RERE: variants seen among roughly 807,000 people sequenced by gnomAD.
The protein encoded by RERE is arginine-glutamic acid dipeptide repeats.
In RERE, 40 loss-of-function variants were observed where a neutral mutation model predicts 146.1. The observed-to-expected ratio is 0.27, with a 90% CI of 0.21 to 0.36. The LOEUF (loss-of-function observed/expected upper bound fraction) is 0.36. Ranked by LOEUF, RERE falls within the 10% of genes least tolerant of loss-of-function variation. The pLI, the probability that RERE is intolerant of heterozygous loss-of-function variation, is 1.00. For synonymous variants in RERE, 1,003 were observed against 866.0 expected, an observed-to-expected ratio of 1.16 and a Z score of -2.78; for missense variants, 1,933 against 2,138.7, an observed-to-expected ratio of 0.90 and a Z score of 1.90.
At chr1:8,487,925 T>G (rs1644924535) in intron 10 of RERE, among the ~76,000 whole-genome samples, 1 of 152,130 alleles carries the variant, frequency 6.6e-6, no homozygotes, top group South Asian at 2.1e-4. Context: ...AAGATCTGTA[T>G]TCCCAAAAAA....
chr1:8,404,781 G>C (rs1488552675), intron 12 of RERE, among the ~76,000 whole-genome samples: 1 of 152,194 alleles, frequency 6.6e-6, no homozygotes, highest in Non-Finnish European at 1.5e-5. Flanking sequence ...GCAGCAGACT[G>C]GTGCCAACCG....
chr1:8,782,886 A>G (rs548768150), intron 1 of RERE, among the ~76,000 whole-genome samples: 1 of 152,252 alleles, frequency 6.6e-6, no homozygotes, highest in South Asian at 2.1e-4. Context: ...AGCCTGGGAG[A>G]CACAGTGAGA....
intron 12 of RERE, among the ~76,000 whole-genome samples, chr1:8,368,226 T>C (rs1014098727): frequency 6.6e-6 from 1 of 151,812 alleles, no homozygotes; most frequent in South Asian, 2.1e-4. Context: ...TCCTAGCACT[T>C]TGGGAGGCTG....
intron 1 of RERE, chr1:8,792,628 A>T (rs1303769748): frequency 1.1e-4 from 16 of 152,224 alleles, no homozygotes; most frequent in Non-Finnish European, 2.1e-4. Context: ...ACTAAATGAA[A>T]CAACTTCAAA....
intron 1 of RERE, among the ~76,000 whole-genome samples, chr1:8,725,515 G>A (rs778507505): frequency 3.3e-5 from 5 of 152,184 alleles, no homozygotes; most frequent in Non-Finnish European, 5.9e-5. Context: ...GCAGTAAGCC[G>A]ACATCGTGCC....
At chr1:8,466,325 G>A (rs1336629171) in intron 10 of RERE, among the ~76,000 whole-genome samples, 1 of 152,164 alleles carries the variant, frequency 6.6e-6, no homozygotes, top group East Asian at 1.9e-4. Context: ...GCCCCGCCCA[G>A]TGCTCAGGAC....
chr1:8,596,025 T>C (rs1646551676), intron 4 of RERE, among the ~76,000 whole-genome samples: 1 of 152,238 alleles, frequency 6.6e-6, no homozygotes, highest in African/African-American at 2.4e-5. Flanking sequence ...ACCTGGACTC[T>C]ACTGATCCAC....
intron 1 of RERE, among the ~76,000 whole-genome samples, chr1:8,658,314 G>A (rs950225159): frequency 1.3e-5 from 2 of 152,138 alleles, no homozygotes; most frequent in Admixed American, 6.5e-5. Context: ...AACAAAAGGA[G>A]GCAACCGATC....
At chr1:8,566,454 T>C (rs1646153617) in intron 4 of RERE, among the ~76,000 whole-genome samples, 1 of 151,920 alleles carries the variant, frequency 6.6e-6, no homozygotes, top group Admixed American at 6.6e-5. Context: ...ACCCCGTCTC[T>C]ACTAAAAATA....
intron 12 of RERE, among the ~76,000 whole-genome samples, chr1:8,390,898 C>T (rs1225451154): frequency 6.6e-6 from 1 of 152,198 alleles, no homozygotes; most frequent in East Asian, 1.9e-4. Context: ...GATTCAACAC[C>T]AAATCTCACC....
At chr1:8,362,483 A>G (rs1383064077) in intron 16 of RERE, among the ~76,000 whole-genome samples, 200 bp downstream of exon 16, 3 of 152,142 alleles carry the variant, frequency 2.0e-5, no homozygotes, top group African/African-American at 4.8e-5. Flanking sequence ...GTGGCCCCCA[A>G]GAGTTGGTGC....
chr1:8,651,488 G>C lies in RERE; in HGVS notation c.325+4485C>G, dbSNP rs539945182. 1.2e-3 allele frequency among the ~76,000 whole-genome samples: 187 copies of C among 152,204 alleles called. 2 individuals are homozygous for C. The highest frequency in any genetic ancestry group is 1.8e-3 in the Non-Finnish European group (122 of 68,016). On this transcript the variant is annotated intron_variant, in intron 2 of 22. Transcript: ENST00000400908. Reference sequence around the variant, plus strand: ...TCCTAAGCTTTTAAGATACAACTAAGCACACAGGATCTCTGCAAGTGGGTG... The same window carrying C: ...TCCTAAGCTTTTAAGATACAACTAACCACACAGGATCTCTGCAAGTGGGTG...
intron 1 of RERE, among the ~76,000 whole-genome samples, chr1:8,813,426 C>T (rs557399392): frequency 1.3e-5 from 2 of 152,194 alleles, no homozygotes; most frequent in South Asian, 4.2e-4. Flanking sequence ...ATATTTGAAA[C>T]TAATTTTTAA....
chr1:8,359,569 T>C (rs7525559), intron 19 of RERE, among the ~76,000 whole-genome samples, 195 bp downstream of exon 19: 62,445 of 152,106 alleles, frequency 0.41, 14,606 homozygotes, highest in East Asian at 0.75. Context: ...AGACCTGCCA[T>C]GCGCAGTTAC....
At chr1:8,588,220 A>C (rs1419689510) in intron 4 of RERE, among the ~76,000 whole-genome samples, 1 of 152,254 alleles carries the variant, frequency 6.6e-6, no homozygotes, top group Non-Finnish European at 1.5e-5. Flanking sequence ...AATTTAATAA[A>C]AACATTTCAA....
rs3082096 is a variant in RERE at position 8,596,672 on chromosome 1, C to CTTTTTT, written c.522+17883_522+17888dup. On this transcript the variant is annotated intron_variant, in intron 4 of 22. Transcript: ENST00000400908. ...TATAGCCACAAGCTACCATGTCTGG[C>CTTTTTT]TTTTTTTTTTTTTTTTCTGGTAGAG... Among the ~76,000 whole-genome samples the CTTTTTT allele has an allele frequency of 7.5e-3, 1,037 of 137,772 alleles. 18 individuals are homozygous for CTTTTTT. Among genetic ancestry groups the CTTTTTT allele is most frequent in the African/African-American group, 0.027 (998 of 36,926 alleles). The allele number at this position is 137,772 out of a possible 152,430, so 90.4% of individuals were successfully genotyped here.
intron 4 of RERE, among the ~76,000 whole-genome samples, chr1:8,564,128 G>A (rs1274176410): frequency 1.3e-5 from 2 of 152,140 alleles, no homozygotes; most frequent in African/African-American, 4.8e-5. Context: ...CAGTCATAAT[G>A]GCTTTGATCA....
intron 12 of RERE, among the ~76,000 whole-genome samples, chr1:8,408,601 A>G (rs994794470): frequency 5.3e-5 from 8 of 152,130 alleles, no homozygotes; most frequent in African/African-American, 1.9e-4. Context: ...CCACAGAGAA[A>G]GGAGGGCAGA....
intron 1 of RERE, among the ~76,000 whole-genome samples, chr1:8,764,514 G>A (rs1193957244): frequency 6.6e-6 from 1 of 152,172 alleles, no homozygotes; most frequent in Non-Finnish European, 1.5e-5. Context: ...GCTTAGTGTG[G>A]TCAGAAAGGA....
Sources: allele counts gnomAD v4.1 joint callset (sites outside exome capture counted in the v4.1 genomes callset), GRCh38; gene constraint gnomAD v4.1.1; transcripts MANE v1.5; gene names NCBI Gene and HGNC (gene_info 2026-07-23, HGNC 2026-07-21).